Variants in LRRC7 observed in about 807,000 individuals in gnomAD.
LRRC7 encodes the protein leucine rich repeat containing 7, also known as leucine-rich repeat-containing protein 7.
In LRRC7, 23 loss-of-function variants were observed where a neutral mutation model predicts 175.7. The ratio of observed to expected loss-of-function variants is 0.13; its 90% CI spans 0.09 to 0.19. The LOEUF (loss-of-function observed/expected upper bound fraction) is 0.19, where lower values mean the gene tolerates loss of function less well. LRRC7 is among the 10% of genes least tolerant of loss of function. The pLI is 1.00. For missense variants in LRRC7, 1,354 were observed against 1,904.7 expected, an observed-to-expected ratio of 0.71 and a Z score of 5.38; for synonymous variants, 685 against 680.9, an observed-to-expected ratio of 1.01 and a Z score of -0.09.
At chr1:69,600,622 C>G (rs1219589070) in intron 1 of LRRC7, among the ~76,000 whole-genome samples, 1 of 152,012 alleles carries the variant, frequency 6.6e-6, no homozygotes, top group Non-Finnish European at 1.5e-5. Context: ...ACACCTTGTT[C>G]TAGCTTTCAC....
At chr1:69,612,654 A>C (rs1648953457) in intron 1 of LRRC7, among the ~76,000 whole-genome samples, 3 of 152,078 alleles carry the variant, frequency 2.0e-5, no homozygotes, top group South Asian at 4.1e-4. Flanking sequence ...GGTGTGAAGA[A>C]GTGTCTTTTT....
intron 7 of LRRC7, among the ~76,000 whole-genome samples, chr1:69,903,876 C>G (rs761739852): frequency 2.6e-4 from 39 of 152,260 alleles, no homozygotes; most frequent in Admixed American, 4.6e-4. Context: ...CTATAAACAC[C>G]TCTATGCCAA....
At position 70,125,304 on chromosome 1, in the gene LRRC7, A is replaced by G. The variant is rs61784317; in HGVS notation, c.*3417A>G. Among the ~76,000 whole-genome samples, 13,267 of 152,278 alleles carry G rather than the reference A, an allele frequency of 0.087. 699 individuals carry two copies. Among genetic ancestry groups the G allele is most frequent in the South Asian group, 0.19 (896 of 4,820 alleles). On this transcript the variant is annotated 3_prime_UTR_variant, in exon 27 of 27. Transcript: ENST00000651989. ...ACCACAATTACTTTTGTTCCAACCTAGTACATAGATGTAAAACAATCTCAG... is the reference window on the plus strand; with the variant it reads ...ACCACAATTACTTTTGTTCCAACCTGGTACATAGATGTAAAACAATCTCAG...
intron 7 of LRRC7, among the ~76,000 whole-genome samples, chr1:69,869,956 C>G (rs2101574369): frequency 6.6e-6 from 1 of 152,234 alleles, no homozygotes; most frequent in African/African-American, 2.4e-5. Flanking sequence ...TCACTATGTC[C>G]ATTTTACAGA....
chr1:70,045,677 A>G (rs775742209), intron 22 of LRRC7, among the ~76,000 whole-genome samples: 7 of 152,190 alleles, frequency 4.6e-5, no homozygotes, highest in Non-Finnish European at 8.8e-5. Context: ...TCACACTGCT[A>G]ATAAAGACAT....
chr1:69,924,626 T>C (rs1037194244), intron 7 of LRRC7, among the ~76,000 whole-genome samples: 17 of 152,182 alleles, frequency 1.1e-4, no homozygotes, highest in Non-Finnish European at 1.9e-4. Flanking sequence ...ATAAGAATGC[T>C]TGTGATTTTT....
At chr1:69,651,363 G>C (rs774045245) in intron 1 of LRRC7, among the ~76,000 whole-genome samples, 1 of 152,084 alleles carries the variant, frequency 6.6e-6, no homozygotes, top group Non-Finnish European at 1.5e-5. Context: ...GCAAAATTAC[G>C]CATCCTTTGG....
intron 17 of LRRC7, among the ~76,000 whole-genome samples, chr1:70,024,345 T>C (rs1001452572): frequency 5.9e-5 from 9 of 151,432 alleles, no homozygotes; most frequent in African/African-American, 1.9e-4. Flanking sequence ...GAATTCAAGA[T>C]ATCATTTCTA....
At chr1:69,804,115 C>T (rs926728537) in intron 4 of LRRC7, among the ~76,000 whole-genome samples, 8 of 151,186 alleles carry the variant, frequency 5.3e-5, no homozygotes, top group African/African-American at 1.7e-4. Context: ...CATTTGGGAC[C>T]TTTTTATTCA....
At chr1:70,049,005 A>C (rs1660548065) in intron 22 of LRRC7, among the ~76,000 whole-genome samples, 1 of 151,994 alleles carries the variant, frequency 6.6e-6, no homozygotes, top group South Asian at 2.1e-4. Flanking sequence ...ATAAATTGAT[A>C]ATTTTCTCTT....
intron 8 of LRRC7, among the ~76,000 whole-genome samples, chr1:69,956,954 G>A (rs1327850529): frequency 6.6e-6 from 1 of 151,548 alleles, no homozygotes; most frequent in Non-Finnish European, 1.5e-5. Context: ...ATAAGTATAA[G>A]CATTCTTACT....
intron 3 of LRRC7, among the ~76,000 whole-genome samples, chr1:69,779,328 G>T (rs1411864384): frequency 1.3e-5 from 2 of 152,136 alleles, no homozygotes; most frequent in African/African-American, 4.8e-5. Flanking sequence ...CAGAAACAAT[G>T]AAGCTGGGTT....
At chr1:69,787,365 C>T (rs1455607581) in intron 3 of LRRC7, among the ~76,000 whole-genome samples, 10 of 152,326 alleles carry the variant, frequency 6.6e-5, no homozygotes, top group Admixed American at 3.3e-4. Flanking sequence ...CTCACAGCTC[C>T]ACTAGGGGGT....
chr1:69,871,564 T>C (rs982208189), intron 7 of LRRC7, among the ~76,000 whole-genome samples: 1 of 152,036 alleles, frequency 6.6e-6, no homozygotes, highest in African/African-American at 2.4e-5. Flanking sequence ...AAATATAATA[T>C]TCTTTGTAAT....
At chr1:70,099,959 G>A (rs903412302) in intron 25 of LRRC7, among the ~76,000 whole-genome samples, 3 of 151,960 alleles carry the variant, frequency 2.0e-5, no homozygotes, top group African/African-American at 7.2e-5. Flanking sequence ...AAATCCAGAA[G>A]GATTGTAAGT....
intron 1 of LRRC7, among the ~76,000 whole-genome samples, chr1:69,629,783 G>A (rs949461025): frequency 6.6e-6 from 1 of 152,012 alleles, no homozygotes; most frequent in Non-Finnish European, 1.5e-5. Context: ...TGCATAGATT[G>A]ATGCTATTAA....
At chr1:69,970,872 A>C (rs1652165261) in intron 8 of LRRC7, among the ~76,000 whole-genome samples, 1 of 152,160 alleles carries the variant, frequency 6.6e-6, no homozygotes, top group Non-Finnish European at 1.5e-5. Flanking sequence ...TAGATGCTAA[A>C]ATCCTTAACG....
At chr1:69,886,372 T>G (rs1184068357) in intron 7 of LRRC7, among the ~76,000 whole-genome samples, 3 of 150,920 alleles carry the variant, frequency 2.0e-5, no homozygotes, top group Admixed American at 2.0e-4. Context: ...CATTATGTAA[T>G]GGCCTTCTTT....
intron 1 of LRRC7, among the ~76,000 whole-genome samples, chr1:69,597,188 T>C (rs367610329): frequency 1.5e-4 from 23 of 152,290 alleles, no homozygotes; most frequent in East Asian, 1.4e-3. Flanking sequence ...TCTTTCAATT[T>C]TAAACATAGT....
Sources: gnomAD v4.1 joint callset for allele counts (sites outside exome capture counted in the v4.1 genomes callset) on GRCh38, gnomAD v4.1.1 for gene constraint, MANE v1.5 for transcripts, NCBI Gene and HGNC (gene_info 2026-07-23, HGNC 2026-07-21) for gene names.